The following UTP20 variants were observed in gnomAD, a reference collection of about 807,000 sequenced individuals.
UTP20 encodes the protein small subunit processome component 20 homolog.
In UTP20, 164 loss-of-function variants were observed where a neutral mutation model predicts 329.5. The ratio of observed to expected loss-of-function variants is 0.50; its 90% CI spans 0.44 to 0.57. The LOEUF is 0.57. Ranked by LOEUF, UTP20 falls within the 20% of genes least tolerant of loss-of-function variation. The pLI is 0.00. For missense variants in UTP20, 3,055 were observed against 3,284.2 expected (o/e 0.93, Z 1.71); for synonymous variants, 1,151 against 1,159.3 (o/e 0.99, Z 0.14).
Position 101,356,911 on chromosome 12 carries a change from C to T in UTP20, c.5535-15C>T, listed in dbSNP as rs765601661. On this transcript the variant is annotated splice_polypyrimidine_tract_variant and intron_variant, in intron 42 of 61. Coordinates refer to ENST00000261637, the MANE Select transcript of UTP20 (RefSeq NM_014503.3). Reference sequence around the variant, plus strand: ...GTTTATTTGATTAGTCATTTTTCAACTTCTCATTTTCTAGTATTTTGCTGA... The same window carrying T: ...GTTTATTTGATTAGTCATTTTTCAATTTCTCATTTTCTAGTATTTTGCTGA... 8.1e-6 allele frequency: 13 copies of T among 1,597,676 alleles called. No individual in the cohort carries two copies. In the South Asian group the frequency reaches 1.5e-4, roughly 18 times the overall value.
intron 12 of UTP20, among the ~76,000 whole-genome samples, chr12:101,296,696 C>T (rs890952330): frequency 6.6e-6 from 1 of 151,818 alleles, no homozygotes; most frequent in Non-Finnish European, 1.5e-5. Flanking sequence ...TGCAGTGAGC[C>T]GAAATCATGC....
chr12:101,366,432 G>A, intron 46 of UTP20, 126 bp from the exon 47 acceptor site: 1 of 1,246,886 alleles, frequency 8.0e-7, no homozygotes, highest in African/African-American at 1.5e-5. Flanking sequence ...TTGGGGAGGG[G>A]CAAAACCCAA....
At chr12:101,335,578 CT>C (rs1209410395) in intron 29 of UTP20, among the ~76,000 whole-genome samples, 1 of 152,230 alleles carries the variant, frequency 6.6e-6, no homozygotes, top group Non-Finnish European at 1.5e-5. Flanking sequence ...CCATTGTCTT[CT>C]TTGTGAAACT....
At position 101,312,024 on chromosome 12, in the gene UTP20, T is replaced by A; in HGVS notation, c.2312-12T>A. The A allele has an allele frequency of 3.1e-6, 5 of 1,613,944 alleles. No individual in the cohort carries two copies. Among genetic ancestry groups the A allele is most frequent in the Admixed American group, 1.7e-5 (1 of 60,016 alleles). ...ATTTGTCTGGTGGTTATGACAACTT[T>A]CTTTCTTGCAGAGAAGGAACTACAG... On this transcript the variant is annotated splice_polypyrimidine_tract_variant and intron_variant, in intron 20 of 61. Coordinates refer to ENST00000261637, the MANE Select transcript of UTP20 (RefSeq NM_014503.3).
intron 49 of UTP20, 32 bp downstream of exon 49, chr12:101,369,923 C>T: frequency 6.2e-7 from 1 of 1,605,892 alleles, no homozygotes. Context: ...TTGGAAAAAG[C>T]CAGGATGGAG....
intron 18 of UTP20, among the ~76,000 whole-genome samples, chr12:101,308,835 C>T (rs1872706621): frequency 6.6e-6 from 1 of 151,932 alleles, no homozygotes; most frequent in African/African-American, 2.4e-5. Context: ...CGGGTTCACA[C>T]CATTCTCCTG....
intron 2 of UTP20, among the ~76,000 whole-genome samples, chr12:101,282,557 T>A (rs933845419): frequency 7.9e-5 from 12 of 152,206 alleles, no homozygotes; most frequent in Middle Eastern, 3.4e-3. Context: ...AAGGACTTCA[T>A]ATGTGAAGCT....
chr12:101,282,841 A>T (rs1871844694), intron 2 of UTP20, among the ~76,000 whole-genome samples: 1 of 152,216 alleles, frequency 6.6e-6, no homozygotes, highest in Non-Finnish European at 1.5e-5. Flanking sequence ...GCAGCAATCA[A>T]GATAGAGAGA....
At chr12:101,309,966 A>G in intron 19 of UTP20, 127 bp downstream of exon 19, 1 of 750,436 alleles carries the variant, frequency 1.3e-6, no homozygotes, top group South Asian at 2.1e-5. Context: ...AGTACTTTAA[A>G]TCCTTTGTGA....
chr12:101,334,083 C>G (rs912211026), intron 28 of UTP20, among the ~76,000 whole-genome samples: 1 of 152,280 alleles, frequency 6.6e-6, no homozygotes, highest in South Asian at 2.1e-4. Context: ...GGTTGTAACC[C>G]CTTGGTGATG....
rs937007900 is a variant in UTP20 at position 101,385,811 on chromosome 12, A to T, written c.8202+83A>T. ...GCATGTTTGTGTCACACTTACACTT[A>T]GGGAGGATCAAGGGTTTGAGCGGTT... On this transcript the variant is annotated intron_variant, in intron 61 of 61. Coordinates refer to ENST00000261637, the MANE Select transcript of UTP20 (RefSeq NM_014503.3). The T allele has an allele frequency of 7.8e-6, 12 of 1,533,220 alleles. No homozygotes were observed. The African/African-American group carries it at 1.4e-4, about 18-fold the overall frequency. 95.0% of individuals were successfully genotyped at this position (1,533,220 alleles called of 1,614,324 possible). A position where few individuals can be genotyped will look rare whatever the true frequency, so the allele number is the denominator to read the frequency against.
At chr12:101,361,667 AT>A (rs1869925186) in intron 43 of UTP20, among the ~76,000 whole-genome samples, 6 of 110,122 alleles carry the variant, frequency 5.4e-5, no homozygotes, top group Middle Eastern at 4.0e-3. Flanking sequence ...AAATAAATAA[AT>A]AAATAAATAA....
chr12:101,382,410 A>AAAAAC (rs910429134), intron 58 of UTP20, among the ~76,000 whole-genome samples: 3 of 152,174 alleles, frequency 2.0e-5, no homozygotes, highest in Admixed American at 6.5e-5. Flanking sequence ...AAAATACCCA[A>AAAAAC]AAAACAAAAC....
At chr12:101,383,912 G>C (rs1232318981) in intron 60 of UTP20, among the ~76,000 whole-genome samples, 1 of 151,514 alleles carries the variant, frequency 6.6e-6, no homozygotes, top group East Asian at 1.9e-4. Flanking sequence ...ATGCCAGGCT[G>C]GTCTTGGTCT....
At chr12:101,316,649 T>A (rs754598061) in intron 21 of UTP20, among the ~76,000 whole-genome samples, 1 of 152,206 alleles carries the variant, frequency 6.6e-6, no homozygotes, top group Non-Finnish European at 1.5e-5. Context: ...TGTTATTTTA[T>A]CAGTGTGTTT....
intron 13 of UTP20, 22 bp from the exon 14 acceptor site, chr12:101,299,951 C>T (rs751463561): frequency 1.9e-6 from 3 of 1,612,776 alleles, no homozygotes; most frequent in Non-Finnish European, 2.5e-6. Flanking sequence ...TGAACTTTTC[C>T]CTTTTTCTCC....
intron 19 of UTP20, among the ~76,000 whole-genome samples, chr12:101,310,493 T>A (rs1872750932): frequency 7.0e-6 from 1 of 143,626 alleles, no homozygotes; most frequent in South Asian, 2.2e-4. Flanking sequence ...GAGAATCACT[T>A]GAACCTGGGA....
At chr12:101,329,968 A>T (rs1455769292) in intron 27 of UTP20, among the ~76,000 whole-genome samples, 7 of 151,368 alleles carry the variant, frequency 4.6e-5, no homozygotes, top group South Asian at 2.1e-4. Flanking sequence ...GCATTCCAGC[A>T]TGGGCAACAG....
Position 101,363,709 on chromosome 12 carries a change from A to C in UTP20, c.5924A>C (p.Asp1975Ala). Residue 1975 changes from aspartate to alanine, a missense_variant, in exon 45 of 62, where the codon GAT becomes GCT. By Grantham distance (126) the Asp-to-Ala change is moderately radical (BLOSUM62 -2). Coordinates refer to ENST00000261637, the MANE Select transcript of UTP20 (RefSeq NM_014503.3). ...ATCCTCGGCAAGTTTGTAGGAAAAG[A>C]TCAGGTTACAAAACTCATCCTTCCA... Reference protein sequence around the residue: ...YEILGKFVGKDQVTKLILPLK... With the variant: ...YEILGKFVGKAQVTKLILPLK... The C allele has an allele frequency of 6.2e-7, 1 of 1,611,746 alleles. No homozygotes were observed. Among genetic ancestry groups the C allele is most frequent in the Non-Finnish European group, 8.5e-7 (1 of 1,177,776 alleles).
Sources: allele counts gnomAD v4.1 joint callset (sites outside exome capture counted in the v4.1 genomes callset), GRCh38; gene constraint gnomAD v4.1.1; transcripts MANE v1.5; gene names NCBI Gene and HGNC (gene_info 2026-07-23, HGNC 2026-07-21).